Variants in NELL2 observed in about 807,000 individuals in gnomAD.
The protein encoded by NELL2 is protein kinase C-binding protein NELL2.
Under a neutral mutation model 109.6 loss-of-function variants are expected in NELL2, and 41 were observed. That is an observed-to-expected ratio of 0.37 (90% CI 0.29 to 0.49). The LOEUF (loss-of-function observed/expected upper bound fraction) is 0.49. Among genes scored for constraint, NELL2 ranks in the 20% least tolerant of loss-of-function variants. NELL2 has a pLI of 0.98. For synonymous variants in NELL2, 355 were observed against 344.7 expected (o/e 1.03, Z -0.33); for missense variants, 900 against 1,008.3 (o/e 0.89, Z 1.45).
intron 3 of NELL2, among the ~76,000 whole-genome samples, chr12:44,795,242 C>T (rs146540784): frequency 0.014 from 2,195 of 152,230 alleles, 51 homozygotes; most frequent in African/African-American, 0.05. Flanking sequence ...AGCCCAGATA[C>T]AAATTAGTCA....
chr12:44,862,947 C>T (rs1435033371), intron 2 of NELL2, among the ~76,000 whole-genome samples: 4 of 152,168 alleles, frequency 2.6e-5, no homozygotes, highest in Non-Finnish European at 5.9e-5. Context: ...AGCATATATA[C>T]ACACACATAC....
At position 44,620,717 on chromosome 12, in the gene NELL2, C is replaced by T. The variant is rs149877014; in HGVS notation, c.1445-9747G>A. Among the ~76,000 whole-genome samples, 591 of 152,166 alleles carry T rather than the reference C, an allele frequency of 3.9e-3. 5 individuals are homozygous for T. Among genetic ancestry groups the T allele is most frequent in the African/African-American group, 0.013 (552 of 41,492 alleles). ...TCCCCACATTTATCCGGGGCCAGGT[C>T]ACCTGGATTCTTCTTTCTTAAAAGT... On this transcript the variant is annotated intron_variant, in intron 13 of 19. Transcript: ENST00000429094.
intron 15 of NELL2, among the ~76,000 whole-genome samples, chr12:44,598,318 A>C (rs973716125): frequency 6.6e-6 from 1 of 152,068 alleles, no homozygotes; most frequent in Non-Finnish European, 1.5e-5. Context: ...CTGACCATAG[A>C]TGAGAACCCT....
At chr12:44,830,281 T>C (rs763488162) in intron 2 of NELL2, among the ~76,000 whole-genome samples, 4 of 152,232 alleles carry the variant, frequency 2.6e-5, no homozygotes, top group Admixed American at 2.6e-4. Context: ...CCATCAATTA[T>C]GCAGAGCTGA....
intron 13 of NELL2, among the ~76,000 whole-genome samples, chr12:44,630,180 A>C (rs1946400522): frequency 6.6e-6 from 1 of 152,188 alleles, no homozygotes; most frequent in African/African-American, 2.4e-5. Context: ...TTTGCATTCA[A>C]GCTTATGTTT....
At chr12:44,588,388 G>A (rs1037788169) in intron 15 of NELL2, among the ~76,000 whole-genome samples, 1 of 152,092 alleles carries the variant, frequency 6.6e-6, no homozygotes, top group African/African-American at 2.4e-5. Flanking sequence ...CCAAGGCTGT[G>A]GGGGTCTGTT....
chr12:44,619,850 C>G (rs1220760263), intron 13 of NELL2, among the ~76,000 whole-genome samples: 1 of 152,138 alleles, frequency 6.6e-6, no homozygotes, highest in African/African-American at 2.4e-5. Context: ...GTCTCATTCA[C>G]TTTACACATC....
chr12:44,733,145 A>G (rs1383514554), intron 9 of NELL2, among the ~76,000 whole-genome samples: 1 of 152,012 alleles, frequency 6.6e-6, no homozygotes, highest in Non-Finnish European at 1.5e-5. Flanking sequence ...AAAACAGCAT[A>G]GAGGTTCCTC....
At chr12:44,847,858 C>T (rs1944417962) in intron 2 of NELL2, among the ~76,000 whole-genome samples, 1 of 151,606 alleles carries the variant, frequency 6.6e-6, no homozygotes, top group Admixed American at 6.6e-5. Flanking sequence ...ATGGCAAAAC[C>T]CCATCTCTAC....
At chr12:44,826,036 C>G (rs1378472852) in intron 2 of NELL2, among the ~76,000 whole-genome samples, 1 of 151,476 alleles carries the variant, frequency 6.6e-6, no homozygotes, top group East Asian at 2.0e-4. Flanking sequence ...GAGTGAAACT[C>G]CGTCAAAAAA....
intron 3 of NELL2, among the ~76,000 whole-genome samples, chr12:44,791,138 C>CATATATATAT (rs1942401625): frequency 3.9e-5 from 3 of 77,796 alleles, no homozygotes; most frequent in African/African-American, 1.9e-4. Context: ...TATATATACA[C>CATATATATAT]ACGCACACAC....
At chr12:44,561,920 C>CAGTACA (rs1943479712) in intron 15 of NELL2, among the ~76,000 whole-genome samples, 1 of 152,042 alleles carries the variant, frequency 6.6e-6, no homozygotes, top group Non-Finnish European at 1.5e-5. Context: ...ATTCAAACTA[C>CAGTACA]AGTACAAGAC....
intron 12 of NELL2, among the ~76,000 whole-genome samples, chr12:44,688,267 G>A (rs1483587280): frequency 6.6e-6 from 1 of 152,064 alleles, no homozygotes; most frequent in East Asian, 1.9e-4. Flanking sequence ...CATTATAATT[G>A]GCTTCAAATA....
At position 44,605,739 on chromosome 12, in the gene NELL2, C is replaced by A. The variant is rs144393023; in HGVS notation, c.1663+1430G>T. Among the ~76,000 whole-genome samples the A allele has an allele frequency of 8.5e-4, 129 of 152,142 alleles. 1 individual carries two copies. The highest frequency in any genetic ancestry group is 3.0e-3 in the African/African-American group (123 of 41,518). ...ACACCATTGAAATGTCCTGAAAAAG[C>A]CAGTATTTCTGTATCCAGCCTCTGT... On this transcript the variant is annotated intron_variant, in intron 15 of 19. Transcript: ENST00000429094.
At chr12:44,721,328 G>A (rs1440099001) in intron 9 of NELL2, among the ~76,000 whole-genome samples, 1 of 152,110 alleles carries the variant, frequency 6.6e-6, no homozygotes, top group African/African-American at 2.4e-5. Context: ...CTGACAATAT[G>A]AAAAATAAAT....
chr12:44,864,009 A>G (rs1944916754), intron 2 of NELL2, among the ~76,000 whole-genome samples: 1 of 152,192 alleles, frequency 6.6e-6, no homozygotes. Flanking sequence ...TTTTAACTAC[A>G]AAATGTTTTA....
At chr12:44,653,924 A>C (rs979186493) in intron 13 of NELL2, among the ~76,000 whole-genome samples, 2 of 152,180 alleles carry the variant, frequency 1.3e-5, no homozygotes, top group South Asian at 4.1e-4. Context: ...TTACAATTCC[A>C]TTCACACTAA....
At chr12:44,749,693 G>A (rs1478712714) in intron 9 of NELL2, among the ~76,000 whole-genome samples, 1 of 152,174 alleles carries the variant, frequency 6.6e-6, no homozygotes, top group African/African-American at 2.4e-5. Context: ...CCCCTCGGAG[G>A]AGGAAAGGAG....
intron 3 of NELL2, among the ~76,000 whole-genome samples, chr12:44,801,994 C>T (rs1228822323): frequency 6.6e-6 from 1 of 152,084 alleles, no homozygotes; most frequent in Non-Finnish European, 1.5e-5. Context: ...AGTATAAAGC[C>T]TTCCCTTTTC....
Sources: gnomAD v4.1 joint callset for allele counts (sites outside exome capture counted in the v4.1 genomes callset) on GRCh38, gnomAD v4.1.1 for gene constraint, MANE v1.5 for transcripts, NCBI Gene and HGNC (gene_info 2026-07-23, HGNC 2026-07-21) for gene names.